The following APP variants were observed in gnomAD, a reference collection of about 807,000 sequenced individuals.
APP encodes the protein amyloid beta precursor protein.
APP carries 31 observed loss-of-function variants against 101.4 expected under a neutral mutation model. The observed-to-expected ratio is 0.31, with a 90% CI of 0.23 to 0.41. The LOEUF is 0.41. APP is among the 10% of genes least tolerant of loss of function. APP has a pLI of 1.00. For missense variants in APP, 839 were observed against 1,003.7 expected (o/e 0.84, Z 2.22); for synonymous variants, 366 against 364.4 (o/e 1.00, Z -0.05).
chr21:26,128,841 T>C (rs1287451929), intron 1 of APP, among the ~76,000 whole-genome samples: 1 of 152,172 alleles, frequency 6.6e-6, no homozygotes, highest in Non-Finnish European at 1.5e-5. Flanking sequence ...GAACTGAATT[T>C]GAAAAATGTA....
At chr21:25,976,787 C>T (rs2042239871) in intron 9 of APP, among the ~76,000 whole-genome samples, 1 of 152,176 alleles carries the variant, frequency 6.6e-6, no homozygotes, top group African/African-American at 2.4e-5. Context: ...ATCCCCAGTG[C>T]AACAATGTTG....
At chr21:25,978,067 T>C (rs1357448913) in intron 9 of APP, among the ~76,000 whole-genome samples, 1 of 152,224 alleles carries the variant, frequency 6.6e-6, no homozygotes, top group Non-Finnish European at 1.5e-5. Flanking sequence ...TTTTACCTCA[T>C]ACACTTTAAG....
rs1319875762 is a variant in APP at position 26,069,519 on chromosome 21, C to T, written c.356-16171G>A. ...AGCCTGGTCTAGGACCCTCAGCACA[C>T]ACACTCATCACTGCACATATCACCA... On this transcript the variant is annotated intron_variant, in intron 3 of 17. Coordinates refer to ENST00000346798, the MANE Select transcript of APP (RefSeq NM_000484.4). 2.0e-5 allele frequency among the ~76,000 whole-genome samples: 3 copies of T among 152,176 alleles called. No individual in the cohort carries two copies. In the East Asian group the frequency reaches 5.8e-4, roughly 29 times the overall value.
chr21:25,900,772 C>T lies in APP; in HGVS notation c.1964-3099G>A, dbSNP rs140489554. 8.8e-3 allele frequency among the ~76,000 whole-genome samples: 1,330 copies of T among 151,864 alleles called. 25 individuals carry two copies. Among genetic ancestry groups the T allele is most frequent in the African/African-American group, 0.031 (1,269 of 41,390 alleles). On this transcript the variant is annotated intron_variant, in intron 15 of 17. Transcript: ENST00000346798. ...ATCCCAGCACTTTGGGAGGCCGAGG[C>T]GGGAGGATCACGAGGTCAAGAGATC...
At chr21:26,103,398 C>T in intron 2 of APP, among the ~76,000 whole-genome samples, 1 of 152,250 alleles carries the variant, frequency 6.6e-6, no homozygotes, top group African/African-American at 2.4e-5. Flanking sequence ...CACTAGAGTT[C>T]AAGACCAGCC....
At chr21:25,960,317 A>G (rs1046511617) in intron 11 of APP, among the ~76,000 whole-genome samples, 2 of 152,122 alleles carry the variant, frequency 1.3e-5, no homozygotes, top group Non-Finnish European at 2.9e-5. Flanking sequence ...TCTCCTGCTA[A>G]ATCAGGGAGG....
At chr21:26,128,201 C>T (rs368938667) in intron 1 of APP, among the ~76,000 whole-genome samples, 27 of 152,178 alleles carry the variant, frequency 1.8e-4, no homozygotes, top group African/African-American at 4.8e-4. Context: ...CCCAGCTACA[C>T]GCTCAGTGTG....
chr21:26,117,064 AG>A (rs2062451490), intron 1 of APP, among the ~76,000 whole-genome samples: 1 of 152,106 alleles, frequency 6.6e-6, no homozygotes, highest in Admixed American at 6.6e-5. Context: ...TTGTATTTTT[AG>A]TAGAGACAGG....
intron 13 of APP, among the ~76,000 whole-genome samples, chr21:25,914,056 C>T (rs2146327501): frequency 6.6e-6 from 1 of 152,228 alleles, no homozygotes; most frequent in East Asian, 1.9e-4. Context: ...TACTCAAGGT[C>T]CCTGGCTTTC....
chr21:25,945,012 C>T (rs908887066), intron 13 of APP, among the ~76,000 whole-genome samples: 10 of 152,154 alleles, frequency 6.6e-5, no homozygotes, highest in East Asian at 1.9e-4. Context: ...TCAAAAGAAA[C>T]GGCAGACTTT....
At chr21:26,097,082 A>T (rs2061958930) in intron 2 of APP, among the ~76,000 whole-genome samples, 1 of 152,124 alleles carries the variant, frequency 6.6e-6, no homozygotes, top group Non-Finnish European at 1.5e-5. Flanking sequence ...TAGTAGCTTT[A>T]TGCTCCTTCC....
At chr21:25,988,403 T>C (rs1338960126) in intron 8 of APP, among the ~76,000 whole-genome samples, 1 of 152,042 alleles carries the variant, frequency 6.6e-6, no homozygotes, top group Admixed American at 6.6e-5. Flanking sequence ...AGGAAGATCT[T>C]TTAAGAGGAA....
chr21:26,069,427 C>G (rs2046587911), intron 3 of APP, among the ~76,000 whole-genome samples: 1 of 152,146 alleles, frequency 6.6e-6, no homozygotes, highest in Admixed American at 6.6e-5. Context: ...TCCTGAGGTC[C>G]TGGATGCTGC....
chr21:26,090,473 TA>T (rs11288364), intron 2 of APP, among the ~76,000 whole-genome samples: 152,284 of 152,284 alleles, frequency 1, 76,142 homozygotes, highest in Non-Finnish European at 1. Flanking sequence ...AAGAAAAAGA[TA>T]GCAAATGAAC....
At chr21:26,132,499 T>A (rs1035549140) in intron 1 of APP, among the ~76,000 whole-genome samples, 4 of 134,580 alleles carry the variant, frequency 3.0e-5, no homozygotes, top group African/African-American at 1.3e-4. Flanking sequence ...TTTTAAGAAA[T>A]TACTTTTAGT....
chr21:26,059,449 G>T (rs570099612), intron 3 of APP, among the ~76,000 whole-genome samples: 1 of 152,146 alleles, frequency 6.6e-6, no homozygotes, highest in Non-Finnish European at 1.5e-5. Flanking sequence ...CTTGTGCTAT[G>T]GGCCCAGATC....
intron 8 of APP, among the ~76,000 whole-genome samples, chr21:25,989,922 TAAAAA>T (rs58821939): frequency 1.4e-5 from 2 of 145,256 alleles, no homozygotes; most frequent in East Asian, 4.0e-4. Context: ...AAAGTGTCTC[TAAAAA>T]AAAAAAAAGT....
chr21:26,115,301 C>T (rs1011745818), intron 1 of APP, among the ~76,000 whole-genome samples: 2 of 134,006 alleles, frequency 1.5e-5, no homozygotes, highest in Non-Finnish European at 3.2e-5. Flanking sequence ...CTCACAAAAG[C>T]CATGTTTCTC....
intron 6 of APP, among the ~76,000 whole-genome samples, chr21:26,009,003 C>A (rs550561506): frequency 1.3e-5 from 2 of 152,128 alleles, no homozygotes; most frequent in Non-Finnish European, 2.9e-5. Flanking sequence ...GGGACTCAGG[C>A]CCCCCATACA....
Sources: allele counts gnomAD v4.1 joint callset (sites outside exome capture counted in the v4.1 genomes callset), GRCh38; gene constraint gnomAD v4.1.1; transcripts MANE v1.5; gene names NCBI Gene and HGNC (gene_info 2026-07-23, HGNC 2026-07-21).